CHD2: variants seen among roughly 807,000 people sequenced by gnomAD.
CHD2 encodes the protein ATP-dependent chromatin remodeler CHD2.
In CHD2, 28 loss-of-function variants were observed where a neutral mutation model predicts 243.9. The ratio of observed to expected loss-of-function variants is 0.11; its 90% CI spans 0.09 to 0.16. The LOEUF is 0.16. CHD2 is among the 10% of genes least tolerant of loss of function. The pLI is 1.00. For missense variants in CHD2, 1,386 were observed against 2,209.8 expected, an observed-to-expected ratio of 0.63 and a Z score of 7.47; for synonymous variants, 775 against 779.0, an observed-to-expected ratio of 0.99 and a Z score of 0.09.
Position 92,920,930 on chromosome 15 carries a change from A to T in CHD2, c.63-3391A>T, listed in dbSNP as rs79551512. On this transcript the variant is annotated intron_variant, in intron 2 of 38. Transcript: ENST00000394196. ...ACAAGCGGCCAGATTACTCGATAGT[A>T]TGGGACAAGTGGAGGCAAGGTAGTG... is the stretch of plus-strand genomic sequence containing the variant. Among the ~76,000 whole-genome samples the T allele has an allele frequency of 3.7e-3, 568 of 152,318 alleles. 1 individual carries two copies. The highest frequency in any genetic ancestry group is 0.01 in the Middle Eastern group (3 of 294).
chr15:92,946,201 A>G lies in CHD2; in HGVS notation c.1362A>G (p.Pro454=), dbSNP rs747037072. The G allele has an allele frequency of 3.1e-6, 5 of 1,610,908 alleles. No homozygotes were observed. Among genetic ancestry groups the G allele is most frequent in the Non-Finnish European group, 4.2e-6 (5 of 1,178,420 alleles). Residue 454 remains proline (P), a synonymous_variant, in exon 12 of 39, where the codon CCA becomes CCG. Coordinates refer to ENST00000394196, the MANE Select transcript of CHD2 (RefSeq NM_001271.4). The part of the protein sequence containing the change: ...FHSRNNSKTI[P]TRECKALKQR... ...GTAGGAACAACTCAAAAACCATCCCAACAAGAGAATGCAAGGTATGGTGAT... is the reference window on the plus strand; with the variant it reads ...GTAGGAACAACTCAAAAACCATCCCGACAAGAGAATGCAAGGTATGGTGAT...
intron 34 of CHD2, among the ~76,000 whole-genome samples, chr15:93,007,373 C>G (rs1596453832): frequency 6.6e-6 from 1 of 152,298 alleles, no homozygotes; most frequent in Non-Finnish European, 1.5e-5. Flanking sequence ...AATAATTTAT[C>G]TTTCTTACCT....
chr15:92,937,586 A>T lies in CHD2; in HGVS notation c.512A>T (p.Glu171Val). ...EQGTSAESEPEQKKVKARRPV... is the reference protein window; with the variant it reads ...EQGTSAESEPVQKKVKARRPV... ...GGCACCAGTGCAGAGAGTGAGCCAG[A>T]ACAAAAAAAAGTAAAAGCCAGAAGA... The change falls in exon 6 of 39, where the codon GAA (glutamate) becomes GTA (valine). Residue 171 changes from glutamate (E) to valine (V), a missense_variant. By Grantham distance (121) the Glu-to-Val change is moderately radical (BLOSUM62 -2). Coordinates refer to ENST00000394196, the MANE Select transcript of CHD2 (RefSeq NM_001271.4). The T allele has an allele frequency of 6.2e-7, 1 of 1,613,824 alleles. No individual in the cohort carries two copies. The highest frequency in any genetic ancestry group is 8.5e-7 in the Non-Finnish European group (1 of 1,179,866).
At position 92,993,806 on chromosome 15, in the gene CHD2, A is replaced by C. The variant is rs117171289; in HGVS notation, c.3595+808A>C. Among the ~76,000 whole-genome samples, 667 of 152,090 alleles carry C rather than the reference A, an allele frequency of 4.4e-3. 2 individuals are homozygous for C. Among genetic ancestry groups the C allele is most frequent in the Non-Finnish European group, 7.1e-3 (485 of 67,980 alleles). On this transcript the variant is annotated intron_variant, in intron 28 of 38. Coordinates refer to ENST00000394196, the MANE Select transcript of CHD2 (RefSeq NM_001271.4). Reference sequence around the variant, plus strand: ...ACAAACAGTTTAAAAATTAGCCGAAAGTAGTAGGATGCACACCTGTAATCC... The same window carrying C: ...ACAAACAGTTTAAAAATTAGCCGAACGTAGTAGGATGCACACCTGTAATCC...
intron 2 of CHD2, among the ~76,000 whole-genome samples, chr15:92,908,581 G>A (rs1261785357): frequency 6.6e-6 from 1 of 152,126 alleles, no homozygotes; most frequent in Non-Finnish European, 1.5e-5. Flanking sequence ...ATGTGTTTCT[G>A]TATGTTTGCA....
chr15:92,960,234 GTGTA>G (rs2053667425), intron 16 of CHD2, among the ~76,000 whole-genome samples: 1 of 152,166 alleles, frequency 6.6e-6, no homozygotes, highest in Admixed American at 6.5e-5. Context: ...GTGTATGTGT[GTGTA>G]TATTGTTCTG....
chr15:92,922,636 T>C (rs1316862006), intron 2 of CHD2, among the ~76,000 whole-genome samples: 1 of 152,194 alleles, frequency 6.6e-6, no homozygotes, highest in African/African-American at 2.4e-5. Context: ...ACGTGTCTTA[T>C]CTCCTGGCTT....
chr15:92,931,853 T>C (rs1456020017), intron 5 of CHD2, among the ~76,000 whole-genome samples: 1 of 151,346 alleles, frequency 6.6e-6, no homozygotes, highest in East Asian at 1.9e-4. Flanking sequence ...TTTAAAACAT[T>C]GCTGACGTAC....
chr15:92,971,250 A>G (rs1290063939), intron 17 of CHD2, among the ~76,000 whole-genome samples: 4 of 152,236 alleles, frequency 2.6e-5, no homozygotes, highest in Non-Finnish European at 5.9e-5. Context: ...CTAGTTAAGC[A>G]TTCCAAATCT....
intron 5 of CHD2, among the ~76,000 whole-genome samples, chr15:92,933,076 G>C (rs1258910319): frequency 6.7e-6 from 1 of 149,920 alleles, no homozygotes; most frequent in African/African-American, 2.5e-5. Context: ...AAAGAGACAG[G>C]GTCTTCCTCT....
chr15:92,923,242 G>A (rs2052993182), intron 2 of CHD2, among the ~76,000 whole-genome samples: 1 of 152,000 alleles, frequency 6.6e-6, no homozygotes, highest in Non-Finnish European at 1.5e-5. Context: ...CTTCCTCTTT[G>A]GGTGAGATGC....
chr15:92,910,368 C>T (rs1487971640), intron 2 of CHD2, among the ~76,000 whole-genome samples: 1 of 152,070 alleles, frequency 6.6e-6, no homozygotes, highest in Non-Finnish European at 1.5e-5. Flanking sequence ...CCTTTAAAGG[C>T]CTGTGGGTGA....
intron 26 of CHD2, among the ~76,000 whole-genome samples, chr15:92,988,093 T>G (rs1364009713): frequency 1.3e-5 from 2 of 152,142 alleles, no homozygotes; most frequent in East Asian, 3.8e-4. Context: ...TTTTTTTTTT[T>G]TCTTTTGAGA....
At chr15:92,903,472 A>C (rs1417589129) in intron 2 of CHD2, among the ~76,000 whole-genome samples, 3 of 152,240 alleles carry the variant, frequency 2.0e-5, no homozygotes, top group Non-Finnish European at 2.9e-5. Flanking sequence ...TTTTGGAAAT[A>C]GTGCAGTAGT....
At chr15:92,965,992 T>A in intron 16 of CHD2, among the ~76,000 whole-genome samples, 1 of 152,116 alleles carries the variant, frequency 6.6e-6, no homozygotes, top group Admixed American at 6.5e-5. Context: ...TTCCGGTCAC[T>A]TCACACATTT....
chr15:92,944,207 G>A, intron 9 of CHD2: 2 of 396,536 alleles, frequency 5.0e-6, no homozygotes, highest in South Asian at 7.9e-5. Context: ...TTCTATGAGT[G>A]TAAGGTTTTC....
In CHD2 at chr15:93,000,622, A is replaced by G; in HGVS notation, c.4119A>G (p.Ser1373=). ...LSSPRHSDNP[S]EEGEVKDDGL... is the part of the protein sequence containing the mutation. ...CTCCTAGGCATTCAGATAATCCATC[A>G]GAAGAGGGAGAAGTGAAAGTATGAA... The change falls in exon 32 of 39, where the codon TCA becomes TCG. Residue 1373 remains serine (S), a synonymous_variant. Coordinates refer to ENST00000394196, the MANE Select transcript of CHD2 (RefSeq NM_001271.4). The G allele has an allele frequency of 1.2e-6, 2 of 1,612,078 alleles. No individual in the cohort carries two copies. Among genetic ancestry groups the G allele is most frequent in the South Asian group, 2.2e-5 (2 of 90,858 alleles).
intron 37 of CHD2, 73 bp downstream of exon 37, chr15:93,014,982 A>C: frequency 8.2e-7 from 1 of 1,215,588 alleles, no homozygotes; most frequent in South Asian, 1.2e-5. Flanking sequence ...TCATTTTCCA[A>C]AGACACTGGC....
chr15:92,927,103 C>T, intron 3 of CHD2, 141 bp from the exon 4 acceptor site: 1 of 627,896 alleles, frequency 1.6e-6, no homozygotes, highest in Non-Finnish European at 2.8e-6. Flanking sequence ...AAAAATGGCG[C>T]TTTATTGTCT....
Sources: allele counts gnomAD v4.1 joint callset (sites outside exome capture counted in the v4.1 genomes callset), GRCh38; gene constraint gnomAD v4.1.1; transcripts MANE v1.5; gene names NCBI Gene and HGNC (gene_info 2026-07-23, HGNC 2026-07-21).